Variants in SEL1L2 observed in about 807,000 individuals in gnomAD.
SEL1L2 encodes the protein protein sel-1 homolog 2.
SEL1L2 carries 89 observed loss-of-function variants against 98.8 expected under a neutral mutation model. That is an observed-to-expected ratio of 0.90 (90% confidence interval 0.76 to 1.07). The LOEUF (loss-of-function observed/expected upper bound fraction) is 1.07. Ranked by LOEUF, SEL1L2 falls within the 50% of genes least tolerant of loss-of-function variation. SEL1L2 has a pLI of 0.00. For synonymous variants in SEL1L2, 262 were observed against 278.5 expected (o/e 0.94, Z 0.59); for missense variants, 788 against 812.0 (o/e 0.97, Z 0.36).
intron 6 of SEL1L2, 55 bp downstream of exon 6, chr20:13,888,404 A>G (rs1271773470): frequency 3.5e-6 from 4 of 1,158,882 alleles, no homozygotes; most frequent in Non-Finnish European, 3.8e-6. Context: ...ATTTTATTCA[A>G]TGTCCCTTTT....
At chr20:13,879,994 T>C (rs1430562937) in intron 10 of SEL1L2, among the ~76,000 whole-genome samples, 1 of 152,222 alleles carries the variant, frequency 6.6e-6, no homozygotes, top group South Asian at 2.1e-4. Context: ...GTGGCATTCA[T>C]CCATTGATTT....
At chr20:13,898,233 G>A (rs1394711820) in intron 5 of SEL1L2, among the ~76,000 whole-genome samples, 3 of 152,106 alleles carry the variant, frequency 2.0e-5, no homozygotes. Context: ...TATAAAAAGA[G>A]CAGTCCTAAC....
At chr20:13,935,631 G>A (rs1307406297) in intron 2 of SEL1L2, among the ~76,000 whole-genome samples, 2 of 152,204 alleles carry the variant, frequency 1.3e-5, no homozygotes, top group Non-Finnish European at 2.9e-5. Context: ...AGTGAGTGGG[G>A]TGGGGAGAGG....
chr20:13,978,040 A>C (rs551865325), intron 1 of SEL1L2, among the ~76,000 whole-genome samples: 28 of 152,326 alleles, frequency 1.8e-4, no homozygotes, highest in Admixed American at 1.6e-3. Context: ...GACCCCAAAT[A>C]GCCAAAACAA....
chr20:13,858,639 T>C (rs779791760), intron 18 of SEL1L2, among the ~76,000 whole-genome samples: 7 of 152,234 alleles, frequency 4.6e-5, no homozygotes, highest in Non-Finnish European at 1.0e-4. Context: ...CCTGATGTCA[T>C]CTTCTGCCTT....
At chr20:13,991,853 C>A (rs1187972200), upstream of SEL1L2, among the ~76,000 whole-genome samples, 2 of 151,990 alleles carry the variant, frequency 1.3e-5, no homozygotes, top group Non-Finnish European at 2.9e-5. Flanking sequence ...ATTAGCTGGA[C>A]GTGGTGGTAT....
chr20:13,941,832 T>C (rs1033856644), intron 2 of SEL1L2, among the ~76,000 whole-genome samples: 3 of 152,166 alleles, frequency 2.0e-5, no homozygotes, highest in Non-Finnish European at 4.4e-5. Context: ...CCCTCACAAA[T>C]GATAGATAGG....
intron 5 of SEL1L2, among the ~76,000 whole-genome samples, chr20:13,895,447 TAA>T (rs74581623): frequency 1.3e-3 from 125 of 93,026 alleles, no homozygotes; most frequent in African/African-American, 4.3e-3. Flanking sequence ...GATCTTGTCC[TAA>T]AAAAAAAAAA....
At position 13,969,646 on chromosome 20, in the gene SEL1L2, G is replaced by A. The variant is rs143516870; in HGVS notation, c.59-13515C>T. Among the ~76,000 whole-genome samples, 256 of 152,210 alleles carry A rather than the reference G, an allele frequency of 1.7e-3. 1 individual carries two copies. The highest frequency in any genetic ancestry group is 6.1e-3 in the African/African-American group (254 of 41,524). ...GTGGTAGTATCCTCCTACCCCATAT[G>A]TACATTCTACTCATTCTCACACCCA... On this transcript the variant is annotated intron_variant, in intron 1 of 19. Coordinates refer to ENST00000284951, the MANE Select transcript of SEL1L2 (RefSeq NM_025229.2).
At chr20:13,920,217 G>T (rs573758695) in intron 3 of SEL1L2, among the ~76,000 whole-genome samples, 1 of 115,284 alleles carries the variant, frequency 8.7e-6, no homozygotes, top group South Asian at 3.5e-4. Context: ...GACAGAGCGA[G>T]ACTCCGTCCC....
At chr20:13,854,695 A>T (rs1988855283) in intron 18 of SEL1L2, among the ~76,000 whole-genome samples, 1 of 152,196 alleles carries the variant, frequency 6.6e-6, no homozygotes, top group Admixed American at 6.5e-5. Context: ...TATTTGAGTG[A>T]ATAAATAAAT....
intron 5 of SEL1L2, among the ~76,000 whole-genome samples, chr20:13,891,681 AAAAAG>A (rs1870342765): frequency 6.6e-6 from 1 of 151,406 alleles, no homozygotes; most frequent in Admixed American, 6.6e-5. Context: ...AAAAAAAAAA[AAAAAG>A]GAAAAGACAA....
Position 13,849,564 on chromosome 20 carries a change from A to G in SEL1L2, c.1988T>C (p.Ile663Thr). Residue 663 changes from isoleucine (I) to threonine (T), a missense_variant, in exon 20 of 20, where the codon ATT (isoleucine) becomes ACT (threonine). Transcript: ENST00000284951. ...RWNWLKLDNT[I>T]GPHWDLFVIG... ...CACAAATAAGTCCCAGTGTGGTCCA[A>G]TGGTGTTGTCCAGTTTCAGCCAGTT... is the stretch of plus-strand genomic sequence containing the variant. The G allele has an allele frequency of 6.2e-7, 1 of 1,614,054 alleles. No homozygotes were observed. Among genetic ancestry groups the G allele is most frequent in the Non-Finnish European group, 8.5e-7 (1 of 1,179,956 alleles).
intron 5 of SEL1L2, among the ~76,000 whole-genome samples, chr20:13,910,610 A>G (rs1414198601): frequency 6.6e-6 from 1 of 152,216 alleles, no homozygotes; most frequent in Admixed American, 6.5e-5. Context: ...TGCCTCAACA[A>G]TACAAAGATG....
At position 13,885,072 on chromosome 20, in the gene SEL1L2, G is replaced by A. The variant is rs187256998; in HGVS notation, c.957+275C>T. 4.1e-3 allele frequency among the ~76,000 whole-genome samples: 620 copies of A among 152,192 alleles called. 9 individuals carry two copies. Among genetic ancestry groups the A allele is most frequent in the Admixed American group, 0.035 (532 of 15,288 alleles). The stretch of plus-strand genomic sequence containing the variant: ...CCCAGCCCAAAGTGCGTGTGAGTGC[G>A]CAGAACTAGGTTCTGTTGGAACATG... On this transcript the variant is annotated intron_variant, in intron 10 of 19. Coordinates refer to ENST00000284951, the MANE Select transcript of SEL1L2 (RefSeq NM_025229.2).
At chr20:13,972,041 C>G (rs535059294) in intron 1 of SEL1L2, among the ~76,000 whole-genome samples, 18 of 152,118 alleles carry the variant, frequency 1.2e-4, no homozygotes, top group South Asian at 2.1e-4. Flanking sequence ...AGGAACTTCT[C>G]TGTGTGTGTG....
intron 5 of SEL1L2, among the ~76,000 whole-genome samples, chr20:13,906,792 C>T (rs1349367400): frequency 6.6e-6 from 1 of 152,186 alleles, no homozygotes. Flanking sequence ...CATTCTCCTG[C>T]CTCGGCCTCC....
intron 1 of SEL1L2, among the ~76,000 whole-genome samples, chr20:13,964,481 TC>T (rs2050945952): frequency 1.3e-5 from 2 of 149,592 alleles, no homozygotes; most frequent in South Asian, 2.2e-4. Context: ...AGACAGAGTT[TC>T]GCTCTTGTTG....
intron 2 of SEL1L2, among the ~76,000 whole-genome samples, chr20:13,954,954 G>A (rs1335966237): frequency 6.6e-6 from 1 of 152,212 alleles, no homozygotes; most frequent in African/African-American, 2.4e-5. Context: ...TGATAAGAGA[G>A]GAGCTATATT....
Sources: gnomAD v4.1 joint callset for allele counts (sites outside exome capture counted in the v4.1 genomes callset) on GRCh38, gnomAD v4.1.1 for gene constraint, MANE v1.5 for transcripts, NCBI Gene and HGNC (gene_info 2026-07-23, HGNC 2026-07-21) for gene names.